The following PCDHGA7 variants were observed in gnomAD, a reference collection of about 807,000 sequenced individuals.
PCDHGA7 encodes protocadherin gamma subfamily A, 7.
Under a neutral mutation model 58.3 loss-of-function variants are expected in PCDHGA7, and 44 were observed. The observed-to-expected ratio is 0.75, with a 90% confidence interval of 0.59 to 0.97. PCDHGA7 has a LOEUF of 0.97. Ranked by LOEUF, PCDHGA7 falls within the 50% of genes least tolerant of loss-of-function variation. The pLI is 0.00. For synonymous variants in PCDHGA7, 516 were observed against 504.2 expected (o/e 1.02, Z -0.31); for missense variants, 1,266 against 1,188.7 (o/e 1.06, Z -0.96).
At chr5:141,430,991 A>T (rs2097333608) in intron 1 of PCDHGA7, 1 of 1,613,980 alleles carries the variant, frequency 6.2e-7, no homozygotes, top group African/African-American at 1.3e-5. Context: ...TTTCGCCCTG[A>T]ATCCGCGCAG....
At chr5:141,398,797 G>A (rs1338071296) in intron 1 of PCDHGA7, 2 of 1,613,898 alleles carry the variant, frequency 1.2e-6, no homozygotes, top group South Asian at 1.1e-5. Flanking sequence ...ACCCCTAAGC[G>A]GCACCACTGA....
At chr5:141,405,218 G>T in intron 1 of PCDHGA7, 1 of 1,613,986 alleles carries the variant, frequency 6.2e-7, no homozygotes, top group Non-Finnish European at 8.5e-7. Flanking sequence ...CTATTCTCAG[G>T]AGTTCTCCCT....
intron 1 of PCDHGA7, among the ~76,000 whole-genome samples, chr5:141,433,948 T>C (rs1473404279): frequency 2.0e-5 from 3 of 152,234 alleles, no homozygotes; most frequent in Non-Finnish European, 4.4e-5. Context: ...CATTGTTTCT[T>C]CTACAGTTGT....
chr5:141,415,322 T>G (rs1226384298), intron 1 of PCDHGA7: 2 of 1,614,104 alleles, frequency 1.2e-6, no homozygotes, highest in South Asian at 2.2e-5. Flanking sequence ...ATCGTGCTGC[T>G]GGCGCACAGG....
At chr5:141,408,156 T>G (rs1270401832) in intron 1 of PCDHGA7, 2 of 1,512,436 alleles carry the variant, frequency 1.3e-6, no homozygotes, top group East Asian at 2.5e-5. Flanking sequence ...TAGAGTGCAC[T>G]TTCTCCAACT....
At position 141,383,963 on chromosome 5, in the gene PCDHGA7, C is replaced by G. The variant is rs967868907; in HGVS notation, c.1064C>G (p.Ser355Ter). ...GTGACTATGACGTCTTTAAGTAGCT[C>G]AATCCCTGAAGACACACCTCTTGGG... ...PEVTMTSLSS[S>*]IPEDTPLGTV... Residue 355 changes from serine (S) to a stop codon, truncating the protein, a stop_gained, in exon 1 of 4, where the codon TCA becomes TGA. Coordinates refer to ENST00000518325, the MANE Select transcript of PCDHGA7 (RefSeq NM_018920.4). LOFTEE classifies it high-confidence loss of function. The G allele has an allele frequency of 6.2e-7, 1 of 1,613,480 alleles. No individual in the cohort carries two copies. The highest frequency in any genetic ancestry group is 1.1e-5 in the South Asian group (1 of 91,072).
Position 141,486,904 on chromosome 5 carries a change from C to G in PCDHGA7, c.2425-7903C>G. On this transcript the variant is annotated intron_variant, in intron 1 of 3. Transcript: ENST00000518325. This position sits in a 1 kb window ranked among gnomAD's most constrained non-coding sequence, Gnocchi z 5.0. The stretch of plus-strand genomic sequence containing the variant: ...GGGCCCGGCCTGGTTCCTTATGTCC[C>G]CAAGCACTGCCTCCATCAGTTGGTG... 6.2e-7 allele frequency: 1 copy of G among 1,614,226 alleles called. No individual in the cohort carries two copies. The highest frequency in any genetic ancestry group is 1.1e-5 in the South Asian group (1 of 91,080).
At chr5:141,414,834 C>T in intron 1 of PCDHGA7, 1 of 1,614,252 alleles carries the variant, frequency 6.2e-7, no homozygotes, top group South Asian at 1.1e-5. Context: ...TGTCGTTGAG[C>T]CTGTTTGTGC....
chr5:141,432,014 A>G lies in PCDHGA7; in HGVS notation c.2424+46691A>G, dbSNP rs778393699. The G allele has an allele frequency of 1.5e-5, 25 of 1,614,078 alleles. No individual in the cohort carries two copies. The highest frequency in any genetic ancestry group is 2.0e-5 in the Non-Finnish European group (24 of 1,180,036). ...GGATAGGGAACAGGTTCCTAGCTAC[A>G]ACATCACAGTGACCGCCACTGACCG... On this transcript the variant is annotated intron_variant, in intron 1 of 3. Coordinates refer to ENST00000518325, the MANE Select transcript of PCDHGA7 (RefSeq NM_018920.4). This position sits in a 1 kb window ranked among gnomAD's most constrained non-coding sequence, Gnocchi z 6.0.
intron 2 of PCDHGA7, among the ~76,000 whole-genome samples, chr5:141,499,192 C>T (rs1048812227): frequency 1.1e-4 from 17 of 152,106 alleles, no homozygotes; most frequent in South Asian, 2.1e-4. Flanking sequence ...CCATTTCCCC[C>T]TTCTTAGGCT....
chr5:141,394,353 C>G (rs759128487), intron 1 of PCDHGA7: 11 of 1,614,178 alleles, frequency 6.8e-6, no homozygotes, highest in East Asian at 4.5e-5. Flanking sequence ...CACCGGTGTC[C>G]TGTATGCGCT....
chr5:141,452,701 G>A (rs2098747163), intron 1 of PCDHGA7, among the ~76,000 whole-genome samples: 1 of 151,838 alleles, frequency 6.6e-6, no homozygotes, highest in Non-Finnish European at 1.5e-5. Context: ...TGTCAAGAAA[G>A]AAAGGAAGGA....
At chr5:141,433,352 T>G (rs976015031) in intron 1 of PCDHGA7, 1 of 614,162 alleles carries the variant, frequency 1.6e-6, no homozygotes, top group Admixed American at 3.0e-5. Flanking sequence ...AGCCACCTAC[T>G]GTCTGCCTAT....
intron 1 of PCDHGA7, chr5:141,398,307 G>A (rs1447377921): frequency 1.5e-6 from 2 of 1,359,764 alleles, no homozygotes; most frequent in South Asian, 1.3e-5. Flanking sequence ...GCGTCCAGGA[G>A]TTACCGACTC....
intron 1 of PCDHGA7, among the ~76,000 whole-genome samples, chr5:141,462,829 G>T (rs770335372): frequency 4.6e-5 from 7 of 152,130 alleles, no homozygotes; most frequent in Non-Finnish European, 8.8e-5. Flanking sequence ...AGCAGACATT[G>T]TAAATGTTAT....
intron 1 of PCDHGA7, among the ~76,000 whole-genome samples, chr5:141,463,316 T>A (rs1290852110): frequency 1.3e-5 from 2 of 151,806 alleles, no homozygotes; most frequent in African/African-American, 2.4e-5. Flanking sequence ...TAATATCTAT[T>A]CCTCAACTCA....
chr5:141,410,201 A>G, intron 1 of PCDHGA7: 3 of 1,613,988 alleles, frequency 1.9e-6, no homozygotes, highest in Non-Finnish European at 2.5e-6. Context: ...CTTCGCAGAC[A>G]ACTTGCAAGA....
At chr5:141,418,021 A>G (rs748774040) in intron 1 of PCDHGA7, 11 of 1,613,978 alleles carry the variant, frequency 6.8e-6, no homozygotes, top group African/African-American at 1.3e-5. Context: ...CTAAGGATCT[A>G]GGGCTTAGTG....
chr5:141,390,340 A>T (rs762864171), intron 1 of PCDHGA7: 2 of 1,586,842 alleles, frequency 1.3e-6, no homozygotes, highest in South Asian at 2.3e-5. Context: ...CCATATTCAC[A>T]AGAAAATATA....
Sources: gnomAD v4.1 joint callset for allele counts (sites outside exome capture counted in the v4.1 genomes callset) on GRCh38, gnomAD v4.1.1 for gene constraint, Gnocchi (gnomAD v3.1) non-coding constraint, MANE v1.5 for transcripts, NCBI Gene and HGNC (gene_info 2026-07-23, HGNC 2026-07-21) for gene names.